Variants in ADGRL3 observed in about 807,000 individuals in gnomAD.
ADGRL3 encodes adhesion G protein-coupled receptor L3.
In ADGRL3, 62 loss-of-function variants were observed where a neutral mutation model predicts 153.5. That is an observed-to-expected ratio of 0.40 (90% CI 0.33 to 0.50). The LOEUF is 0.50. ADGRL3 is among the 20% of genes least tolerant of loss of function. ADGRL3 has a pLI of 0.47. For missense variants in ADGRL3, 1,641 were observed against 1,859.4 expected, an observed-to-expected ratio of 0.88 and a Z score of 2.16; for synonymous variants, 710 against 672.5, an observed-to-expected ratio of 1.06 and a Z score of -0.86.
intron 21 of ADGRL3, among the ~76,000 whole-genome samples, chr4:62,005,807 T>A (rs898752377): frequency 5.3e-5 from 8 of 151,152 alleles, no homozygotes; most frequent in African/African-American, 1.9e-4. Flanking sequence ...ATTCACATAT[T>A]TTAATTTTAA....
At chr4:61,686,252 A>T (rs1294959550) in intron 6 of ADGRL3, among the ~76,000 whole-genome samples, 1 of 152,122 alleles carries the variant, frequency 6.6e-6, no homozygotes, top group East Asian at 1.9e-4. Flanking sequence ...CAAGAAGAAT[A>T]GTAAAAGACA....
intron 1 of ADGRL3, among the ~76,000 whole-genome samples, chr4:61,339,841 T>C (rs1174974674): frequency 2.0e-5 from 3 of 152,142 alleles, no homozygotes; most frequent in Non-Finnish European, 4.4e-5. Flanking sequence ...CTCTCTGTCT[T>C]TGGGTTTGTG....
intron 5 of ADGRL3, among the ~76,000 whole-genome samples, chr4:61,607,947 G>A (rs1202509855): frequency 1.3e-5 from 2 of 152,204 alleles, no homozygotes; most frequent in African/African-American, 4.8e-5. Context: ...AGTCTGTGAG[G>A]CTAGAAGCAA....
intron 8 of ADGRL3, among the ~76,000 whole-genome samples, chr4:61,782,725 T>G (rs2152390243): frequency 6.6e-6 from 1 of 152,254 alleles, no homozygotes; most frequent in Admixed American, 6.5e-5. Context: ...AGCAATAATC[T>G]TTTAATATTA....
At position 61,865,749 on chromosome 4, in the gene ADGRL3, A is replaced by T. The variant is rs146471113; in HGVS notation, c.1481-26907A>T. On this transcript the variant is annotated intron_variant, in intron 9 of 26. Coordinates refer to ENST00000683033, the MANE Select transcript of ADGRL3 (RefSeq NM_001387552.1). ...TTTCCACTTGACTCTTGTTTGCTAGACTACCTCTGACTCCTACATGGTTAA... is the reference window on the plus strand; with the variant it reads ...TTTCCACTTGACTCTTGTTTGCTAGTCTACCTCTGACTCCTACATGGTTAA... Among the ~76,000 whole-genome samples the T allele has an allele frequency of 6.7e-4, 102 of 152,262 alleles. No individual in the cohort carries two copies. The East Asian group carries it at 0.019, about 28-fold the overall frequency.
At chr4:61,711,397 A>G (rs2095978707) in intron 6 of ADGRL3, among the ~76,000 whole-genome samples, 1 of 147,218 alleles carries the variant, frequency 6.8e-6, no homozygotes, top group Admixed American at 6.9e-5. Flanking sequence ...TGAAGTGAAG[A>G]TCCAATTGGC....
At chr4:61,491,451 A>G (rs1218929986) in intron 2 of ADGRL3, among the ~76,000 whole-genome samples, 1 of 152,072 alleles carries the variant, frequency 6.6e-6, no homozygotes, top group Non-Finnish European at 1.5e-5. Flanking sequence ...TTATTTACAA[A>G]GGTAGAGAGC....
At chr4:62,027,899 G>A (rs1719695775) in intron 21 of ADGRL3, among the ~76,000 whole-genome samples, 1 of 151,806 alleles carries the variant, frequency 6.6e-6, no homozygotes, top group South Asian at 2.1e-4. Context: ...CTAGTAAGTG[G>A]CTGAGCTAGG....
At chr4:61,981,014 A>G (rs2099066451) in intron 18 of ADGRL3, among the ~76,000 whole-genome samples, 1 of 152,180 alleles carries the variant, frequency 6.6e-6, no homozygotes, top group African/African-American at 2.4e-5. Flanking sequence ...CAATTTGTGG[A>G]TCACATGGTA....
chr4:61,560,087 C>A (rs568744354), intron 4 of ADGRL3, among the ~76,000 whole-genome samples: 1 of 152,030 alleles, frequency 6.6e-6, no homozygotes, highest in Non-Finnish European at 1.5e-5. Context: ...CTTTTCTGAC[C>A]AGAGAGCATT....
intron 4 of ADGRL3, chr4:61,583,552 G>T (rs1395873525): frequency 3.6e-5 from 14 of 393,850 alleles, no homozygotes; most frequent in Non-Finnish European, 3.6e-5. Context: ...TATTTTATGT[G>T]CTTTCCTCAC....
intron 22 of ADGRL3, among the ~76,000 whole-genome samples, chr4:62,030,335 G>T (rs559478517): frequency 1.1e-3 from 163 of 151,562 alleles, no homozygotes; most frequent in African/African-American, 3.8e-3. Flanking sequence ...ATAATAATCT[G>T]CTGGAAAGAA....
chr4:61,344,216 CTTT>C (rs1169305876), intron 1 of ADGRL3, among the ~76,000 whole-genome samples: 1 of 152,166 alleles, frequency 6.6e-6, no homozygotes, highest in African/African-American at 2.4e-5. Flanking sequence ...AAGAAGATTT[CTTT>C]AAGACCTTCC....
At chr4:61,529,898 A>G (rs1386510534) in intron 4 of ADGRL3, among the ~76,000 whole-genome samples, 1 of 152,202 alleles carries the variant, frequency 6.6e-6, no homozygotes, top group Non-Finnish European at 1.5e-5. Context: ...TAATTTCTTT[A>G]GAATTGAATA....
intron 21 of ADGRL3, among the ~76,000 whole-genome samples, chr4:62,021,717 CT>C (rs1026992442): frequency 2.6e-5 from 4 of 152,032 alleles, no homozygotes; most frequent in African/African-American, 9.7e-5. Flanking sequence ...ATTATTATAT[CT>C]GTTAGGGTTA....
intron 1 of ADGRL3, among the ~76,000 whole-genome samples, chr4:61,258,177 T>TG (rs1258566728): frequency 6.6e-6 from 1 of 152,118 alleles, no homozygotes; most frequent in Admixed American, 6.6e-5. Flanking sequence ...TAAACTGTAG[T>TG]GGGGGTTCCA....
rs548441089 is a variant in ADGRL3, at chr4:61,593,097, T to A, written c.473+5657T>A. Among the ~76,000 whole-genome samples the A allele has an allele frequency of 2.0e-3, 309 of 152,302 alleles. 6 individuals carry two copies. Among genetic ancestry groups the A allele is most frequent in the East Asian group, 3.9e-4 (2 of 5,182 alleles). The stretch of plus-strand genomic sequence containing the variant: ...CGATGACAACTTAACACTGATTGCA[T>A]AAAGAAACAGACTCACAAAAAGGAA... On this transcript the variant is annotated intron_variant, in intron 5 of 26. Coordinates refer to ENST00000683033, the MANE Select transcript of ADGRL3 (RefSeq NM_001387552.1).
At chr4:61,896,964 T>C (rs1198855628) in intron 11 of ADGRL3, among the ~76,000 whole-genome samples, 1 of 152,214 alleles carries the variant, frequency 6.6e-6, no homozygotes, top group Non-Finnish European at 1.5e-5. Flanking sequence ...ATAAATTCAA[T>C]AATAATTCTT....
At chr4:61,634,603 C>T (rs1475630578) in intron 5 of ADGRL3, among the ~76,000 whole-genome samples, 9 of 151,158 alleles carry the variant, frequency 6.0e-5, no homozygotes, top group Admixed American at 2.6e-4. Context: ...CACACAGCTC[C>T]GAAGAAAAAA....
Sources: allele counts gnomAD v4.1 joint callset (sites outside exome capture counted in the v4.1 genomes callset), GRCh38; gene constraint gnomAD v4.1.1; transcripts MANE v1.5; gene names NCBI Gene and HGNC (gene_info 2026-07-23, HGNC 2026-07-21).